The following NBN variants were observed in gnomAD, a reference collection of about 807,000 sequenced individuals.
NBN encodes Nijmegen breakage syndrome 1 (nibrin).
In NBN, 88 loss-of-function variants were observed where a neutral mutation model predicts 90.8. That is an observed-to-expected ratio of 0.97 (90% CI 0.82 to 1.16). The LOEUF (loss-of-function observed/expected upper bound fraction) is 1.16, where lower values mean the gene tolerates loss of function less well. Among genes scored for constraint, NBN ranks in the 50% most tolerant of loss-of-function variants. The pLI is 0.00. For missense variants in NBN, 894 were observed against 869.6 expected (o/e 1.03, Z -0.35); for synonymous variants, 328 against 295.1 (o/e 1.11, Z -1.14).
intron 9 of NBN, 125 bp downstream of exon 9, chr8:89,958,600 C>T: frequency 2.6e-6 from 3 of 1,169,370 alleles, no homozygotes; most frequent in Non-Finnish European, 3.7e-6. Context: ...ATCATTTTCC[C>T]TGGTATCCCA....
chr8:89,978,519 C>T (rs1379881486), intron 4 of NBN, among the ~76,000 whole-genome samples, 196 bp from the exon 5 acceptor site: 3 of 152,258 alleles, frequency 2.0e-5, no homozygotes, highest in Admixed American at 1.3e-4. Context: ...TATTTTAGAA[C>T]ATAAATCACA....
At chr8:89,947,542 T>C (rs1356994249) in intron 12 of NBN, among the ~76,000 whole-genome samples, 1 of 151,914 alleles carries the variant, frequency 6.6e-6, no homozygotes, top group Non-Finnish European at 1.5e-5. Flanking sequence ...GGGAGGAGAA[T>C]AGCTTAAACC....
chr8:89,976,022 T>C (rs1202378362), intron 5 of NBN, among the ~76,000 whole-genome samples: 1 of 152,190 alleles, frequency 6.6e-6, no homozygotes, highest in Non-Finnish European at 1.5e-5. Flanking sequence ...ACTTCTTTTT[T>C]TTTGAGTCGC....
intron 7 of NBN, among the ~76,000 whole-genome samples, chr8:89,969,497 T>C (rs1811405128): frequency 1.3e-5 from 2 of 152,258 alleles, no homozygotes; most frequent in Non-Finnish European, 2.9e-5. Context: ...AACTTAACAC[T>C]ACTTTGTTAA....
rs377076593 is a variant in NBN at position 89,964,399 on chromosome 8, G to A, written c.994+11C>T. On this transcript the variant is annotated intron_variant, in intron 8 of 15. Coordinates refer to ENST00000265433, the MANE Select transcript of NBN (RefSeq NM_002485.5). ...GTTGCTAACGAATCAATAAAATAAT[G>A]CTTCAATTACCTGTACTGGGATGGC... is the stretch of plus-strand genomic sequence containing the variant. 12 of 1,613,300 alleles carry A rather than the reference G, an allele frequency of 7.4e-6. No individual in the cohort carries two copies. The African/African-American group carries it at 1.6e-4, about 22-fold the overall frequency.
intron 9 of NBN, among the ~76,000 whole-genome samples, chr8:89,957,239 A>C (rs1171168620): frequency 6.6e-6 from 1 of 152,230 alleles, no homozygotes; most frequent in Non-Finnish European, 1.5e-5. Context: ...AGGATGTGGC[A>C]ATGACTGCGA....
intron 5 of NBN, among the ~76,000 whole-genome samples, chr8:89,972,251 T>G (rs1158959277): frequency 6.6e-6 from 1 of 152,256 alleles, no homozygotes; most frequent in South Asian, 2.1e-4. Context: ...TTTCATAAAG[T>G]AAAGCTAAGT....
rs758675398 is a variant in NBN at position 89,946,149 on chromosome 8, T to C, written c.2061A>G (p.Lys687=). ...CAGTTGAAATACCTACCTTTTTGAA[T>C]TTCTTGAAATTTTTTAGTTGACCAT... ...DDYGQLKNFK[K]FKKVTYPGAG... is the part of the protein sequence containing the mutation. Residue 687 remains lysine (K), a synonymous_variant, in exon 13 of 16, where the codon AAA becomes AAG. Coordinates refer to ENST00000265433, the MANE Select transcript of NBN (RefSeq NM_002485.5). 4 of 1,586,904 alleles carry C rather than the reference T, an allele frequency of 2.5e-6. No individual in the cohort carries two copies. The highest frequency in any genetic ancestry group is 3.3e-5 in the Admixed American group (2 of 59,930).
In NBN at chr8:89,935,130, G is replaced by C. The variant is rs1422417648; in HGVS notation, c.*452C>G. On this transcript the variant is annotated 3_prime_UTR_variant, in exon 16 of 16. Transcript: ENST00000265433. ...CTACTAAGTAAAAAAGCAAGGTGTA[G>C]AACACTGCATATGTTATGCTATCAT... 1 of 244,220 alleles carries C rather than the reference G, an allele frequency of 4.1e-6. No homozygotes were observed. The highest frequency in any genetic ancestry group is 8.0e-6 in the Non-Finnish European group (1 of 125,060). The allele number at this position is 244,220 out of a possible 1,614,324, so 15.1% of individuals were successfully genotyped here. A position where few individuals can be genotyped will look rare whatever the true frequency, so the allele number is the denominator to read the frequency against.
chr8:89,947,887 T>C lies in NBN; in HGVS notation c.1851A>G (p.Glu617=). 6.4e-7 allele frequency: 1 copy of C among 1,556,290 alleles called. No homozygotes were observed. The highest frequency in any genetic ancestry group is 8.8e-7 in the Non-Finnish European group (1 of 1,134,820). The change falls in exon 12 of 16, where the codon GAA becomes GAG. Residue 617 remains glutamate, a synonymous_variant. Transcript: ENST00000265433. ...AVPESSKISQ[E]NEIGKKRELK... ...GTTCACGTTTCTTCCCAATTTCATT[T>C]TCTTGCTAAAGAAATAAAATAAAAA...
chr8:89,965,109 G>A (rs1376250004), intron 7 of NBN, among the ~76,000 whole-genome samples: 4 of 150,370 alleles, frequency 2.7e-5, no homozygotes, highest in African/African-American at 4.9e-5. Flanking sequence ...GCGAGACTCC[G>A]TCTCAAAAAA....
Position 89,964,537 on chromosome 8 carries a change from A to C in NBN, c.897-30T>G, listed in dbSNP as rs571286269. On this transcript the variant is annotated intron_variant, in intron 7 of 15. Transcript: ENST00000265433. ...TAGAATAAAATAGTTTAAGTATGAT[A>C]ATATATTAAAACTAGCAACTTTTAT... 5 of 1,554,726 alleles carry C rather than the reference A, an allele frequency of 3.2e-6. No individual in the cohort carries two copies. The East Asian group carries it at 6.8e-5, about 21-fold the overall frequency.
intron 14 of NBN, among the ~76,000 whole-genome samples, chr8:89,941,824 A>AT (rs1809963562): frequency 6.6e-6 from 1 of 152,212 alleles, no homozygotes. Context: ...CCATTCTTTC[A>AT]TTTTTTAAAA....
At chr8:89,960,704 G>T (rs777733870) in intron 8 of NBN, among the ~76,000 whole-genome samples, 9 of 152,072 alleles carry the variant, frequency 5.9e-5, no homozygotes, top group Non-Finnish European at 5.9e-5. Context: ...TTTGTTAACA[G>T]ATTACTTACA....
rs1812146714 is a variant in NBN at position 89,982,937 on chromosome 8, A to C, written c.38-82T>G. The C allele has an allele frequency of 2.2e-6, 3 of 1,348,582 alleles. No homozygotes were observed. In the African/African-American group the frequency reaches 4.3e-5, roughly 19 times the overall value. The allele number at this position is 1,348,582 out of a possible 1,614,324, so 83.5% of individuals were successfully genotyped here. A position where few individuals can be genotyped will look rare whatever the true frequency, so the allele number is the denominator to read the frequency against. On this transcript the variant is annotated intron_variant, in intron 1 of 15. Coordinates refer to ENST00000265433, the MANE Select transcript of NBN (RefSeq NM_002485.5). ...CGAACACACACATACATGTAAGTGT[A>C]TATGATATAGGTATGACAAATATTA...
At position 89,935,140 on chromosome 8, in the gene NBN, T is replaced by A; in HGVS notation, c.*442A>T. On this transcript the variant is annotated 3_prime_UTR_variant, in exon 16 of 16. Transcript: ENST00000265433. ...AAAAAGCAAGGTGTAGAACACTGCA[T>A]ATGTTATGCTATCATTTGTGTAGGA... 1 of 255,672 alleles carries A rather than the reference T, an allele frequency of 3.9e-6. No individual in the cohort carries two copies. The highest frequency in any genetic ancestry group is 7.6e-6 in the Non-Finnish European group (1 of 131,440). The allele number at this position is 255,672 out of a possible 1,614,324, so 15.8% of individuals were successfully genotyped here.
chr8:89,952,248 C>T (rs1328185941), intron 11 of NBN, among the ~76,000 whole-genome samples: 1 of 152,154 alleles, frequency 6.6e-6, no homozygotes, highest in Non-Finnish European at 1.5e-5. Context: ...TCTTAGCTAA[C>T]CCAATGAGGG....
chr8:89,973,245 T>C (rs1811594269), intron 5 of NBN, among the ~76,000 whole-genome samples: 1 of 152,212 alleles, frequency 6.6e-6, no homozygotes, highest in African/African-American at 2.4e-5. Context: ...AAACTGACAT[T>C]ACAAAATATA....
intron 9 of NBN, among the ~76,000 whole-genome samples, chr8:89,955,897 A>T (rs1387433413): frequency 6.6e-6 from 1 of 152,016 alleles, no homozygotes; most frequent in Non-Finnish European, 1.5e-5. Context: ...TAAAAATTTT[A>T]AATTATTCCC....
Sources: allele counts gnomAD v4.1 joint callset (sites outside exome capture counted in the v4.1 genomes callset), GRCh38; gene constraint gnomAD v4.1.1; transcripts MANE v1.5; gene names NCBI Gene and HGNC (gene_info 2026-07-23, HGNC 2026-07-21).